The following FAP variants were observed in gnomAD, a reference collection of about 807,000 sequenced individuals.
FAP encodes prolyl endopeptidase FAP.
In FAP, 110 loss-of-function variants were observed where a neutral mutation model predicts 126.5. The ratio of observed to expected loss-of-function variants is 0.87; its 90% CI spans 0.74 to 1.02. The LOEUF is 1.02. Among genes scored for constraint, FAP ranks in the 50% least tolerant of loss-of-function variants. The pLI is 0.00. For missense variants in FAP, 919 were observed against 909.2 expected, an observed-to-expected ratio of 1.01 and a Z score of -0.14; for synonymous variants, 334 against 297.3, an observed-to-expected ratio of 1.12 and a Z score of -1.27.
chr2:162,203,600 A>T (rs998716842), intron 12 of FAP, among the ~76,000 whole-genome samples: 1 of 152,204 alleles, frequency 6.6e-6, no homozygotes, highest in Non-Finnish European at 1.5e-5. Context: ...GACATTTAAA[A>T]GATGAAAAGA....
chr2:162,183,512 CAT>C (rs768994143), intron 20 of FAP, 44 bp from the exon 21 acceptor site: 3 of 1,122,966 alleles, frequency 2.7e-6, no homozygotes, highest in Admixed American at 1.9e-5. Flanking sequence ...AGTGTATACA[CAT>C]GACATTTACT....
chr2:162,219,062 C>T lies in FAP; in HGVS notation c.607+1G>A. The T allele has an allele frequency of 6.3e-7, 1 of 1,597,742 alleles. No homozygotes were observed. Among genetic ancestry groups the T allele is most frequent in the East Asian group, 2.2e-5 (1 of 44,532 alleles). ...AGCAGTAGAAAAGGAATACAGCTTA[C>T]CTTCATAAACCCAGTCTGGGATTCC... On this transcript the variant is annotated splice_donor_variant, in intron 8 of 25. Transcript: ENST00000188790. LOFTEE classifies it high-confidence loss of function.
chr2:162,214,228 AG>A (rs935995860), intron 10 of FAP, among the ~76,000 whole-genome samples, 155 bp from the exon 11 acceptor site: 2 of 152,200 alleles, frequency 1.3e-5, no homozygotes, highest in Non-Finnish European at 2.9e-5. Context: ...CTGGAGAGAA[AG>A]TTTAAATATC....
At chr2:162,182,904 C>A (rs963453223) in intron 21 of FAP, among the ~76,000 whole-genome samples, 4 of 152,060 alleles carry the variant, frequency 2.6e-5, no homozygotes, top group African/African-American at 9.7e-5. Flanking sequence ...GTACTTTTCT[C>A]CAGTTAGCAC....
intron 4 of FAP, among the ~76,000 whole-genome samples, chr2:162,225,106 A>T (rs1274485435): frequency 6.6e-6 from 1 of 152,148 alleles, no homozygotes; most frequent in Non-Finnish European, 1.5e-5. Context: ...AAGAGGCATT[A>T]TTATTCCTAC....
intron 24 of FAP, 58 bp downstream of exon 24, chr2:162,173,091 T>C: frequency 6.6e-7 from 1 of 1,508,504 alleles, no homozygotes; most frequent in Non-Finnish European, 9.2e-7. Context: ...TAATGTTTCT[T>C]AAACAAAGTG....
At chr2:162,204,101 G>A (rs952286571) in intron 12 of FAP, among the ~76,000 whole-genome samples, 2 of 152,058 alleles carry the variant, frequency 1.3e-5, no homozygotes, top group Non-Finnish European at 2.9e-5. Context: ...CCCTCCACAT[G>A]AGAACTGCAT....
rs1689225964 is a variant in FAP at position 162,218,104 on chromosome 2, G to A, written c.644C>T (p.Ser215Phe). Residue 215 changes from serine to phenylalanine, a missense_variant, in exon 9 of 26, where the codon TCT (serine) becomes TTT (phenylalanine). By Grantham distance (155) the Ser-to-Phe change is radical. Transcript: ENST00000188790. ...ATATGCCAAAAATTTTCCATTAGGA[G>A]ACCACCAGAGAGCATATTTTGTAGC... is the stretch of plus-strand genomic sequence containing the variant. ...MLATKYALWW[S>F]PNGKFLAYAE... The A allele has an allele frequency of 6.2e-7, 1 of 1,607,702 alleles. No homozygotes were observed. Among genetic ancestry groups the A allele is most frequent in the Non-Finnish European group, 8.5e-7 (1 of 1,176,916 alleles).
intron 2 of FAP, among the ~76,000 whole-genome samples, chr2:162,236,691 A>G (rs1248535318): frequency 6.6e-6 from 1 of 152,094 alleles, no homozygotes; most frequent in Non-Finnish European, 1.5e-5. Flanking sequence ...GCTCACTGCA[A>G]CCTCTGTCTC....
chr2:162,229,557 C>A (rs1689805331), intron 2 of FAP, among the ~76,000 whole-genome samples: 1 of 152,026 alleles, frequency 6.6e-6, no homozygotes, highest in South Asian at 2.1e-4. Flanking sequence ...ATCATAAGTG[C>A]AATTTGTACT....
At chr2:162,189,832 C>T in intron 17 of FAP, 78 bp from the exon 18 acceptor site, 4 of 752,068 alleles carry the variant, frequency 5.3e-6, no homozygotes, top group Non-Finnish European at 9.0e-6. Flanking sequence ...CCTTTGACTT[C>T]AATATGGGTG....
At chr2:162,218,377 A>T (rs1333768907) in intron 8 of FAP, among the ~76,000 whole-genome samples, 1 of 152,128 alleles carries the variant, frequency 6.6e-6, no homozygotes, top group Admixed American at 6.5e-5. Flanking sequence ...CAGAAATGTA[A>T]TTTTTTAAAT....
At chr2:162,234,471 T>C (rs1450894924) in intron 2 of FAP, among the ~76,000 whole-genome samples, 1 of 152,168 alleles carries the variant, frequency 6.6e-6, no homozygotes, top group Admixed American at 6.5e-5. Context: ...TTCTAATAGT[T>C]TTTTAGTGAA....
chr2:162,224,291 G>T (rs1414612116), intron 5 of FAP, among the ~76,000 whole-genome samples, 175 bp downstream of exon 5: 1 of 151,968 alleles, frequency 6.6e-6, no homozygotes, highest in African/African-American at 2.4e-5. Context: ...GCACTTTCAC[G>T]CTTAAAACAA....
intron 2 of FAP, among the ~76,000 whole-genome samples, chr2:162,229,753 A>G (rs1298819217): frequency 6.6e-6 from 1 of 152,188 alleles, no homozygotes; most frequent in East Asian, 1.9e-4. Context: ...GGAAGGTTGG[A>G]CTTGATACTA....
chr2:162,236,617 T>TC (rs1553693153), intron 2 of FAP, among the ~76,000 whole-genome samples: 7 of 152,042 alleles, frequency 4.6e-5, no homozygotes, highest in African/African-American at 1.7e-4. Context: ...TTGTTTTTGG[T>TC]GGGGGGGCAG....
chr2:162,207,952 T>G (rs1435715234), intron 12 of FAP, among the ~76,000 whole-genome samples: 9 of 151,440 alleles, frequency 5.9e-5, no homozygotes, highest in Admixed American at 5.9e-4. Flanking sequence ...ACTGAGGGTG[T>G]TTTTTAAAAA....
At chr2:162,174,604 A>G (rs1049266469) in intron 22 of FAP, among the ~76,000 whole-genome samples, 1 of 152,138 alleles carries the variant, frequency 6.6e-6, no homozygotes, top group African/African-American at 2.4e-5. Context: ...GATTTTAAAG[A>G]TTTGGTTCGG....
chr2:162,226,978 A>G (rs1689680393), intron 2 of FAP, among the ~76,000 whole-genome samples: 1 of 152,144 alleles, frequency 6.6e-6, no homozygotes. Context: ...TGAGGTTCCA[A>G]CAACTCTAGT....
Sources: gnomAD v4.1 joint callset for allele counts (sites outside exome capture counted in the v4.1 genomes callset) on GRCh38, gnomAD v4.1.1 for gene constraint, MANE v1.5 for transcripts, NCBI Gene and HGNC (gene_info 2026-07-23, HGNC 2026-07-21) for gene names.